The following SOX5 variants were observed in gnomAD, a reference collection of about 807,000 sequenced individuals.
The protein encoded by SOX5 is transcription factor SOX-5.
SOX5 carries 9 observed loss-of-function variants against 92.0 expected under a neutral mutation model. The ratio of observed to expected loss-of-function variants is 0.10; its 90% CI spans 0.06 to 0.17. SOX5 has a LOEUF of 0.17. SOX5 is among the 10% of genes least tolerant of loss of function. The probability of loss-of-function intolerance (pLI) is 1.00; values close to 1 mark genes in which losing one functional copy is unlikely to be tolerated. For missense variants in SOX5, 642 were observed against 944.5 expected, an observed-to-expected ratio of 0.68 and a Z score of 4.20; for synonymous variants, 344 against 336.3, an observed-to-expected ratio of 1.02 and a Z score of -0.25.
chr12:24,269,687 T>TA (rs1943449306), intron 3 of SOX5, among the ~76,000 whole-genome samples: 3 of 118,650 alleles, frequency 2.5e-5, no homozygotes, highest in Non-Finnish European at 5.4e-5. Context: ...TTATTTTTAT[T>TA]CTTTTTTTTT....
chr12:24,493,180 GT>G (rs1382430574), intron 1 of SOX5, among the ~76,000 whole-genome samples: 1 of 152,086 alleles, frequency 6.6e-6, no homozygotes, highest in Non-Finnish European at 1.5e-5. Flanking sequence ...TTATTTATGG[GT>G]GGGAGATCAA....
At chr12:24,004,311 A>C (rs1459790187) in intron 4 of SOX5, among the ~76,000 whole-genome samples, 3 of 151,450 alleles carry the variant, frequency 2.0e-5, no homozygotes, top group Non-Finnish European at 4.4e-5. Flanking sequence ...TGTTTCTCAA[A>C]AAAAAAAACA....
chr12:23,578,100 A>G (rs1046190162), intron 9 of SOX5, among the ~76,000 whole-genome samples: 3 of 126,392 alleles, frequency 2.4e-5, no homozygotes, highest in Admixed American at 9.2e-5. Flanking sequence ...AGCCTGCGCA[A>G]CAGAGTGAGA....
intron 4 of SOX5, among the ~76,000 whole-genome samples, chr12:24,005,292 A>G (rs1275473402): frequency 9.9e-5 from 15 of 152,122 alleles, no homozygotes; most frequent in Non-Finnish European, 5.9e-5. Context: ...AACATGACTG[A>G]TCTTTAAGTA....
At chr12:24,085,003 A>T (rs1943798103) in intron 4 of SOX5, among the ~76,000 whole-genome samples, 1 of 152,094 alleles carries the variant, frequency 6.6e-6, no homozygotes, top group East Asian at 1.9e-4. Flanking sequence ...TGTTGTTAAC[A>T]TCATACTCTC....
chr12:23,624,791 C>T (rs2077568883), intron 8 of SOX5, among the ~76,000 whole-genome samples: 1 of 152,062 alleles, frequency 6.6e-6, no homozygotes, highest in Non-Finnish European at 1.5e-5. Context: ...AAAATATAGC[C>T]AATTTTACTG....
chr12:23,707,503 G>A (rs575434141), intron 6 of SOX5, among the ~76,000 whole-genome samples: 1 of 152,212 alleles, frequency 6.6e-6, no homozygotes, highest in South Asian at 2.1e-4. Context: ...TCTGCATTCT[G>A]ATATAGGCCA....
intron 4 of SOX5, among the ~76,000 whole-genome samples, chr12:24,084,868 C>A (rs1443559111): frequency 1.3e-5 from 2 of 152,034 alleles, no homozygotes; most frequent in East Asian, 1.9e-4. Context: ...CTATAGTTAT[C>A]TTTTTACTAA....
intron 1 of SOX5, among the ~76,000 whole-genome samples, chr12:24,447,737 T>G (rs1198996745): frequency 6.6e-6 from 1 of 152,064 alleles, no homozygotes; most frequent in African/African-American, 2.4e-5. Flanking sequence ...TATGAAAAAA[T>G]AAAAAGCAGA....
chr12:23,538,189 T>A (rs969885495), intron 13 of SOX5, among the ~76,000 whole-genome samples: 19 of 152,192 alleles, frequency 1.2e-4, no homozygotes, highest in African/African-American at 4.6e-4. Flanking sequence ...GTTGAATAGT[T>A]CTTCCTTACA....
intron 3 of SOX5, among the ~76,000 whole-genome samples, chr12:23,764,964 G>T (rs560712748): frequency 3.3e-5 from 5 of 152,052 alleles, no homozygotes; most frequent in Middle Eastern, 3.4e-3. Flanking sequence ...AATAAAAGCT[G>T]ACATGATTCA....
At chr12:23,779,806 T>G (rs1317666629) in intron 3 of SOX5, among the ~76,000 whole-genome samples, 1 of 104,162 alleles carries the variant, frequency 9.6e-6, no homozygotes, top group Admixed American at 8.9e-5. Context: ...TATATATATA[T>G]ATATATATAC....
At chr12:24,507,033 G>A (rs549699691) in intron 1 of SOX5, among the ~76,000 whole-genome samples, 24 of 151,754 alleles carry the variant, frequency 1.6e-4, no homozygotes, top group East Asian at 7.8e-4. Context: ...CTCGTGATCC[G>A]CCCGCCTCGG....
chr12:23,770,204 C>G (rs1180924162), intron 3 of SOX5, among the ~76,000 whole-genome samples: 1 of 151,612 alleles, frequency 6.6e-6, no homozygotes, highest in Non-Finnish European at 1.5e-5. Flanking sequence ...CACCTCTTCC[C>G]TCCTGCCAGA....
At chr12:24,538,251 T>C (rs1951813424) in intron 1 of SOX5, among the ~76,000 whole-genome samples, 1 of 152,126 alleles carries the variant, frequency 6.6e-6, no homozygotes, top group Non-Finnish European at 1.5e-5. Context: ...TAATCCCAGC[T>C]TGGGTGGCTG....
At chr12:23,895,662 G>T (rs746049902) in intron 2 of SOX5, 131 bp downstream of exon 2, 6 of 668,740 alleles carry the variant, frequency 9.0e-6, no homozygotes, top group Middle Eastern at 3.9e-4. Context: ...ATTCTAAGAC[G>T]CCAGGGGTGA....
At chr12:23,890,649 C>T (rs2137495523) in intron 2 of SOX5, among the ~76,000 whole-genome samples, 1 of 152,096 alleles carries the variant, frequency 6.6e-6, no homozygotes, top group South Asian at 2.1e-4. Context: ...TTCTGGTGCC[C>T]ACAAATACTC....
chr12:24,125,169 G>A (rs1294877783), intron 4 of SOX5, among the ~76,000 whole-genome samples: 1 of 152,040 alleles, frequency 6.6e-6, no homozygotes, highest in Non-Finnish European at 1.5e-5. Flanking sequence ...TTATTACATA[G>A]GCCAAACTTT....
intron 2 of SOX5, among the ~76,000 whole-genome samples, chr12:24,329,269 C>T (rs968426725): frequency 2.0e-5 from 3 of 152,058 alleles, no homozygotes; most frequent in Non-Finnish European, 2.9e-5. Context: ...GAGTTTTAAT[C>T]GACTCACAGT....
Sources: allele counts gnomAD v4.1 joint callset (sites outside exome capture counted in the v4.1 genomes callset), GRCh38; gene constraint gnomAD v4.1.1; transcripts MANE v1.5; gene names NCBI Gene and HGNC (gene_info 2026-07-23, HGNC 2026-07-21).